Variants in FBXL18 observed in about 807,000 individuals in gnomAD.
The protein encoded by FBXL18 is F-box and leucine rich repeat protein 18, also known as F-box/LRR-repeat protein 18.
A neutral mutation model predicts 46.0 loss-of-function variants in FBXL18; 36 were observed. The ratio of observed to expected loss-of-function variants is 0.78; its 90% CI spans 0.60 to 1.03. The LOEUF (loss-of-function observed/expected upper bound fraction) is 1.03. Among genes scored for constraint, FBXL18 ranks in the 50% least tolerant of loss-of-function variants. The pLI is 0.00. For missense variants in FBXL18, 977 were observed against 1,004.1 expected (o/e 0.97, Z 0.36); for synonymous variants, 557 against 465.3 (o/e 1.20, Z -2.54).
chr7:5,495,835 C>T, intron 3 of FBXL18: 1 of 480,174 alleles, frequency 2.1e-6, no homozygotes, highest in Non-Finnish European at 4.3e-6. Flanking sequence ...CTGGCAGCGT[C>T]TGGGAACCGG....
At chr7:5,509,701 CAAAAAA>C (rs761762119) in intron 1 of FBXL18, among the ~76,000 whole-genome samples, 1 of 65,484 alleles carries the variant, frequency 1.5e-5, no homozygotes, top group Admixed American at 1.9e-4. Flanking sequence ...GATTCCATCT[CAAAAAA>C]AAAAAAAAAA....
chr7:5,494,800 G>A (rs1476739112), intron 3 of FBXL18, among the ~76,000 whole-genome samples: 5 of 152,232 alleles, frequency 3.3e-5, no homozygotes, highest in African/African-American at 1.2e-4. Context: ...ACTAGGTGGC[G>A]ATGCGGCTCC....
chr7:5,470,367 G>A (rs1288900489), intron 4 of FBXL18, among the ~76,000 whole-genome samples: 2 of 152,048 alleles, frequency 1.3e-5, no homozygotes, highest in East Asian at 3.9e-4. Context: ...TGCCCCCAAG[G>A]CGGGTACCCA....
rs1784255822 is a variant in FBXL18, at chr7:5,501,522, G to A, written c.747C>T (p.Leu249=). ...PGYINQEVVR[L]YLAVLSDRTP... is the part of the protein sequence containing the mutation. ...TGCGGTCGCTAAGCACAGCCAGGTAGAGCCGCACCACCTCCTGGTTGATGT... is the reference window on the plus strand; with the variant it reads ...TGCGGTCGCTAAGCACAGCCAGGTAAAGCCGCACCACCTCCTGGTTGATGT... Residue 249 remains leucine (L), a synonymous_variant, in exon 3 of 5, where the codon CTC becomes CTT. Coordinates refer to ENST00000382368, the MANE Select transcript of FBXL18 (RefSeq NM_024963.6). 1.2e-6 allele frequency: 2 copies of A among 1,613,962 alleles called. No individual in the cohort carries two copies. The highest frequency in any genetic ancestry group is 8.5e-7 in the Non-Finnish European group (1 of 1,180,028).
intron 4 of FBXL18, among the ~76,000 whole-genome samples, chr7:5,454,802 G>A (rs376338534): frequency 9.2e-5 from 14 of 152,284 alleles, no homozygotes; most frequent in African/African-American, 3.1e-4. Flanking sequence ...GACTCACGGA[G>A]GAGAAGGCGT....
intron 4 of FBXL18, among the ~76,000 whole-genome samples, chr7:5,482,333 G>T (rs971359480): frequency 6.6e-6 from 1 of 152,210 alleles, no homozygotes; most frequent in Non-Finnish European, 1.5e-5. Flanking sequence ...AGGACAGAGA[G>T]AAGGGACAGG....
intron 3 of FBXL18, among the ~76,000 whole-genome samples, chr7:5,493,522 C>T (rs1367984969): frequency 6.6e-6 from 1 of 152,126 alleles, no homozygotes; most frequent in Non-Finnish European, 1.5e-5. Flanking sequence ...GTCTCAATCT[C>T]CTGACCACTT....
At chr7:5,466,993 G>C (rs1345964314) in intron 4 of FBXL18, among the ~76,000 whole-genome samples, 3 of 152,212 alleles carry the variant, frequency 2.0e-5, no homozygotes, top group Admixed American at 2.0e-4. Context: ...GAGGCAGGCG[G>C]ATCACCTGAC....
At position 5,481,381 on chromosome 7, in the gene FBXL18, A is replaced by G; in HGVS notation, c.*394T>C. 5.8e-6 allele frequency: 1 copy of G among 170,978 alleles called. No individual in the cohort carries two copies. Among genetic ancestry groups the G allele is most frequent in the Non-Finnish European group, 1.3e-5 (1 of 78,200 alleles). 10.6% of individuals were successfully genotyped at this position (170,978 alleles called of 1,614,324 possible). Reference sequence around the variant, plus strand: ...CACGGGGCCCCGGTGGCAGGTGACCACAAACACAACAGCCAAGGGACACGC... The same window carrying G: ...CACGGGGCCCCGGTGGCAGGTGACCGCAAACACAACAGCCAAGGGACACGC... On this transcript the variant is annotated 3_prime_UTR_variant, in exon 5 of 5. Coordinates refer to ENST00000382368, the MANE Select transcript of FBXL18 (RefSeq NM_024963.6).
At chr7:5,489,937 T>A in intron 4 of FBXL18, 1 of 1,228,644 alleles carries the variant, frequency 8.1e-7, no homozygotes, top group Non-Finnish European at 1.1e-6. Context: ...AGAGTGAGAC[T>A]CTGTCTCAAA....
chr7:5,499,238 TCTCCCGGGTGAAACCC>T (rs1419448359), intron 3 of FBXL18, among the ~76,000 whole-genome samples: 1 of 152,132 alleles, frequency 6.6e-6, no homozygotes, highest in Non-Finnish European at 1.5e-5. Flanking sequence ...GGCTGCTCCC[TCTCCCGGGTGAAACCC>T]CTCGGCACTG....
chr7:5,484,185 C>T (rs1019145442), intron 4 of FBXL18, among the ~76,000 whole-genome samples: 2 of 152,124 alleles, frequency 1.3e-5, no homozygotes, highest in African/African-American at 2.4e-5. Flanking sequence ...GAGCTGCTGT[C>T]GGCTGGCCGT....
At chr7:5,463,724 A>ATATAT (rs1554316185) in intron 4 of FBXL18, among the ~76,000 whole-genome samples, 3 of 59,662 alleles carry the variant, frequency 5.0e-5, no homozygotes, top group Admixed American at 2.4e-4. Context: ...TTATTTATTT[A>ATATAT]TTTATTTTTT....
chr7:5,465,711 C>T (rs1783331686), intron 4 of FBXL18, among the ~76,000 whole-genome samples: 1 of 152,050 alleles, frequency 6.6e-6, no homozygotes, highest in Non-Finnish European at 1.5e-5. Flanking sequence ...GGTGGAAAAA[C>T]TACCTATTGG....
chr7:5,510,617 T>C (rs1784508072), intron 1 of FBXL18, among the ~76,000 whole-genome samples: 1 of 144,974 alleles, frequency 6.9e-6, no homozygotes, highest in African/African-American at 2.6e-5. Flanking sequence ...ACCCGGGAAG[T>C]GGTGGCTTCA....
chr7:5,513,245 T>G (rs542162113), intron 1 of FBXL18, among the ~76,000 whole-genome samples: 4 of 151,854 alleles, frequency 2.6e-5, no homozygotes, highest in African/African-American at 9.7e-5. Context: ...CAGGGAGAAG[T>G]GGGCTGGGGC....
rs1455800891 is a variant in FBXL18 at position 5,500,099 on chromosome 7, A to AG, written c.1781+388_1781+389insC. On this transcript the variant is annotated intron_variant, in intron 3 of 4. Coordinates refer to ENST00000382368, the MANE Select transcript of FBXL18 (RefSeq NM_024963.6). ...TAAATAAATAAAATTTAAATTAAAA[A>AG]AAAAAAAGGAATTGCATTGCAAAGT... Among the ~76,000 whole-genome samples, 3 of 150,778 alleles carry AG rather than the reference A, an allele frequency of 2.0e-5. No individual in the cohort carries two copies. The East Asian group carries it at 6.0e-4, about 30-fold the overall frequency.
In FBXL18 at chr7:5,480,180, C is replaced by G. The variant is rs1783603802; in HGVS notation, c.*1595G>C. Among the ~76,000 whole-genome samples, 1 of 152,150 alleles carries G rather than the reference C, an allele frequency of 6.6e-6. No individual in the cohort carries two copies. Among genetic ancestry groups the G allele is most frequent in the Non-Finnish European group, 1.5e-5 (1 of 68,028 alleles). ...AGCAAAGCAAATGTGAGACACCACC[C>G]CACAGGACGGGGCATCTGTCACACG... On this transcript the variant is annotated 3_prime_UTR_variant, in exon 5 of 5. Coordinates refer to ENST00000382368, the MANE Select transcript of FBXL18 (RefSeq NM_024963.6).
Position 5,500,643 on chromosome 7 carries a change from G to A in FBXL18, c.1626C>T (p.Pro542=). 2 of 1,612,594 alleles carry A rather than the reference G, an allele frequency of 1.2e-6. No individual in the cohort carries two copies. The highest frequency in any genetic ancestry group is 1.1e-5 in the South Asian group (1 of 91,018). Residue 542 remains proline (P), a synonymous_variant, in exon 3 of 5, where the codon CCC becomes CCT. Transcript: ENST00000382368. ...FLRHLTLAQL[P]SVLTGSGLVN... ...CCAGCCCGGAGCCCGTAAGGACGCT[G>A]GGCAGCTGTGCGAGCGTCAGGTGCC... is the stretch of plus-strand genomic sequence containing the variant.
Sources: allele counts gnomAD v4.1 joint callset (sites outside exome capture counted in the v4.1 genomes callset), GRCh38; gene constraint gnomAD v4.1.1; transcripts MANE v1.5; gene names NCBI Gene and HGNC (gene_info 2026-07-23, HGNC 2026-07-21).